Variants in DLG1 observed in about 807,000 individuals in gnomAD.
DLG1 encodes the protein disks large homolog 1.
DLG1 carries 42 observed loss-of-function variants against 123.4 expected under a neutral mutation model. That is an observed-to-expected ratio of 0.34 (90% CI 0.27 to 0.44). The LOEUF is 0.44. DLG1 is among the 20% of genes least tolerant of loss of function. DLG1 has a pLI of 1.00. For synonymous variants in DLG1, 317 were observed against 356.2 expected (o/e 0.89, Z 1.24); for missense variants, 942 against 1,082.6 (o/e 0.87, Z 1.82).
chr3:197,184,186 G>A (rs1577697721), intron 5 of DLG1: 1 of 921,350 alleles, frequency 1.1e-6, no homozygotes, highest in Non-Finnish European at 1.3e-6. Context: ...AAAGAAGGAT[G>A]CTATAAACAC....
At chr3:197,102,478 G>A (rs1764032654) in intron 14 of DLG1, among the ~76,000 whole-genome samples, 1 of 152,184 alleles carries the variant, frequency 6.6e-6, no homozygotes, top group Non-Finnish European at 1.5e-5. Flanking sequence ...AATCCGATTT[G>A]TGTTAATGTT....
intron 11 of DLG1, among the ~76,000 whole-genome samples, chr3:197,125,390 T>C (rs942826803): frequency 2.6e-5 from 4 of 152,080 alleles, no homozygotes; most frequent in African/African-American, 9.7e-5. Context: ...CCTGCACCAG[T>C]GTTGGGGGAT....
intron 14 of DLG1, among the ~76,000 whole-genome samples, chr3:197,100,122 T>C (rs1293037038): frequency 6.6e-6 from 1 of 152,146 alleles, no homozygotes; most frequent in African/African-American, 2.4e-5. Flanking sequence ...AGCAGGAGAC[T>C]GAAAAAAATT....
Position 197,055,157 on chromosome 3 carries a change from G to A in DLG1, c.2484-3489C>T, listed in dbSNP as rs141853773. ...TATAGAGGCAAGGTCTCACTATGTTGCCCAGGCTAGTCTTGAACCACGGAG... is the reference window on the plus strand; with the variant it reads ...TATAGAGGCAAGGTCTCACTATGTTACCCAGGCTAGTCTTGAACCACGGAG... On this transcript the variant is annotated intron_variant, in intron 23 of 24. Coordinates refer to ENST00000667157, the MANE Select transcript of DLG1 (RefSeq NM_001366207.1). Among the ~76,000 whole-genome samples, 1,291 of 152,150 alleles carry A rather than the reference G, an allele frequency of 8.5e-3. 15 individuals carry two copies. Among genetic ancestry groups the A allele is most frequent in the Middle Eastern group, 0.017 (5 of 294 alleles).
At position 197,073,565 on chromosome 3, in the gene DLG1, T is replaced by C. The variant is rs950391904; in HGVS notation, c.2005+3021A>G. Among the ~76,000 whole-genome samples, 11 of 152,312 alleles carry C rather than the reference T, an allele frequency of 7.2e-5. No homozygotes were observed. In the East Asian group the frequency reaches 1.2e-3, roughly 16 times the overall value. On this transcript the variant is annotated intron_variant, in intron 18 of 24. Transcript: ENST00000667157. ...TTAGCTGCATTCTCCCAAACTTCCA[T>C]TGTACTCTCATTAGTTCTGTTTAGC...
intron 13 of DLG1, among the ~76,000 whole-genome samples, chr3:197,105,571 G>C (rs576046114): frequency 2.6e-5 from 4 of 152,212 alleles, no homozygotes; most frequent in African/African-American, 7.2e-5. Context: ...AATGAACCAG[G>C]AGTTATTTTT....
chr3:197,078,091 C>A (rs1361751301), intron 17 of DLG1, among the ~76,000 whole-genome samples: 1 of 149,188 alleles, frequency 6.7e-6, no homozygotes, highest in Non-Finnish European at 1.5e-5. Flanking sequence ...GCAGGAGGAT[C>A]GCTTGAGGCC....
At chr3:197,126,968 C>A (rs1579819749) in intron 11 of DLG1, among the ~76,000 whole-genome samples, 1 of 152,112 alleles carries the variant, frequency 6.6e-6, no homozygotes, top group East Asian at 1.9e-4. Context: ...AAGGAGCACT[C>A]AAAAGCAGGT....
At chr3:197,255,925 G>A (rs1487920366) in intron 4 of DLG1, among the ~76,000 whole-genome samples, 1 of 152,068 alleles carries the variant, frequency 6.6e-6, no homozygotes, top group Non-Finnish European at 1.5e-5. Flanking sequence ...TTAGATTTGT[G>A]CAGTTCACAC....
intron 5 of DLG1, among the ~76,000 whole-genome samples, chr3:197,190,023 C>T (rs1002987330): frequency 6.6e-6 from 1 of 151,934 alleles, no homozygotes; most frequent in African/African-American, 2.4e-5. Context: ...TTATCATTGT[C>T]AGAATAAACA....
At chr3:197,063,213 G>A (rs1737069344) in intron 22 of DLG1, among the ~76,000 whole-genome samples, 1 of 150,294 alleles carries the variant, frequency 6.7e-6, no homozygotes, top group Admixed American at 6.6e-5. Context: ...AAGAAATACA[G>A]TCAGGTTTAT....
chr3:197,169,615 T>C (rs1248360215), intron 5 of DLG1, among the ~76,000 whole-genome samples: 1 of 152,208 alleles, frequency 6.6e-6, no homozygotes, highest in Non-Finnish European at 1.5e-5. Flanking sequence ...AAAATGACTT[T>C]CATAGCATAA....
At chr3:197,203,062 C>T (rs1277436130) in intron 4 of DLG1, among the ~76,000 whole-genome samples, 1 of 152,116 alleles carries the variant, frequency 6.6e-6, no homozygotes, top group Non-Finnish European at 1.5e-5. Flanking sequence ...CAGGTGAGCC[C>T]AGGAGTTCAG....
intron 6 of DLG1, among the ~76,000 whole-genome samples, chr3:197,146,459 A>T (rs184635999): frequency 1.3e-5 from 2 of 152,270 alleles, no homozygotes; most frequent in African/African-American, 4.8e-5. Flanking sequence ...ATGGACACAC[A>T]GAATGAAGCA....
intron 11 of DLG1, among the ~76,000 whole-genome samples, chr3:197,126,178 A>G (rs752716678): frequency 1.4e-4 from 21 of 152,200 alleles, no homozygotes; most frequent in Non-Finnish European, 2.5e-4. Flanking sequence ...CAGATGGGGG[A>G]AAAAGTAACA....
chr3:197,068,383 C>CA (rs533837886), intron 19 of DLG1: 3,835 of 619,396 alleles, frequency 6.2e-3, no homozygotes, highest in South Asian at 7.1e-3. Flanking sequence ...ATTTCCACAC[C>CA]AAAAAAAAAA....
At chr3:197,059,216 T>C (rs1470962227) in intron 23 of DLG1, among the ~76,000 whole-genome samples, 1 of 152,208 alleles carries the variant, frequency 6.6e-6, no homozygotes, top group Non-Finnish European at 1.5e-5. Context: ...TGAGCCACTG[T>C]GCCCAGCCAT....
At chr3:197,154,580 C>T (rs780668521) in intron 5 of DLG1, among the ~76,000 whole-genome samples, 7 of 151,858 alleles carry the variant, frequency 4.6e-5, no homozygotes, top group Admixed American at 1.3e-4. Flanking sequence ...GAGGCTGAGG[C>T]AGGAGAATGG....
chr3:197,245,635 G>A (rs1215403128), intron 4 of DLG1, among the ~76,000 whole-genome samples: 1 of 152,142 alleles, frequency 6.6e-6, no homozygotes, highest in Non-Finnish European at 1.5e-5. Context: ...CCTCATGAGA[G>A]ATTTGGTTAG....
Sources: gnomAD v4.1 joint callset for allele counts (sites outside exome capture counted in the v4.1 genomes callset) on GRCh38, gnomAD v4.1.1 for gene constraint, MANE v1.5 for transcripts, NCBI Gene and HGNC (gene_info 2026-07-23, HGNC 2026-07-21) for gene names.